The following LINGO2 variants were observed in gnomAD, a reference collection of about 807,000 sequenced individuals.
LINGO2 encodes leucine-rich repeat and immunoglobulin-like domain-containing nogo receptor-interacting protein 2.
Under a neutral mutation model 30.6 loss-of-function variants are expected in LINGO2, and 14 were observed. That is an observed-to-expected ratio of 0.46 (90% CI 0.30 to 0.72). The LOEUF (loss-of-function observed/expected upper bound fraction) is 0.72, where lower values mean the gene tolerates loss of function less well. Ranked by LOEUF, LINGO2 falls within the 30% of genes least tolerant of loss-of-function variation. LINGO2 has a pLI of 0.07. For synonymous variants in LINGO2, 317 were observed against 288.5 expected (o/e 1.10, Z -1.00); for missense variants, 729 against 751.7 (o/e 0.97, Z 0.35).
intron 1 of LINGO2, among the ~76,000 whole-genome samples, chr9:28,509,202 T>C (rs1224700987): frequency 6.6e-6 from 1 of 152,204 alleles, no homozygotes; most frequent in Non-Finnish European, 1.5e-5. Context: ...ACAAAGCAAT[T>C]CTAAAAACTG....
the LINGO2 span, among the ~76,000 whole-genome samples, chr9:28,946,084 C>A: frequency 6.6e-6 from 1 of 151,992 alleles, no homozygotes; most frequent in South Asian, 2.1e-4. Context: ...TATGAAAGAT[C>A]ACCAGTAATG....
intron 1 of LINGO2, among the ~76,000 whole-genome samples, chr9:28,646,410 A>G (rs1293060992): frequency 1.3e-5 from 2 of 152,102 alleles, no homozygotes; most frequent in Non-Finnish European, 2.9e-5. Context: ...GTGAGTCTGG[A>G]ACCTCAAATA....
At chr9:27,986,684 T>G (rs1450039820) in intron 5 of LINGO2, among the ~76,000 whole-genome samples, 1 of 151,874 alleles carries the variant, frequency 6.6e-6, no homozygotes, top group African/African-American at 2.4e-5. Flanking sequence ...TCAGGGAAAG[T>G]GCTCGTCCCT....
At chr9:29,143,444 C>A in the LINGO2 span, among the ~76,000 whole-genome samples, 1 of 152,000 alleles carries the variant, frequency 6.6e-6, no homozygotes, top group Non-Finnish European at 1.5e-5. Context: ...AAACAGTATG[C>A]ACTTGTGAAA....
intron 2 of LINGO2, among the ~76,000 whole-genome samples, chr9:28,385,388 G>A (rs1227121771): frequency 1.3e-5 from 2 of 152,058 alleles, no homozygotes; most frequent in Admixed American, 1.3e-4. Flanking sequence ...TTCACATACA[G>A]GTTGATTTTA....
chr9:28,121,945 A>C (rs1024232407), intron 4 of LINGO2, among the ~76,000 whole-genome samples: 1 of 152,222 alleles, frequency 6.6e-6, no homozygotes, highest in African/African-American at 2.4e-5. Context: ...TAGGAATTGA[A>C]AATTTCATAA....
At chr9:28,458,007 G>A (rs1160994552) in intron 2 of LINGO2, among the ~76,000 whole-genome samples, 1 of 152,144 alleles carries the variant, frequency 6.6e-6, no homozygotes, top group African/African-American at 2.4e-5. Context: ...AATTACAAAG[G>A]AGACTATAAT....
the LINGO2 span, among the ~76,000 whole-genome samples, chr9:28,895,729 G>A: frequency 6.6e-6 from 1 of 151,984 alleles, no homozygotes; most frequent in African/African-American, 2.4e-5. Context: ...AGTGTTACGG[G>A]GATGTCACAG....
intron 4 of LINGO2, among the ~76,000 whole-genome samples, chr9:28,153,573 A>T (rs952261774): frequency 2.6e-5 from 4 of 152,184 alleles, no homozygotes; most frequent in African/African-American, 9.6e-5. Context: ...ATATTTATAA[A>T]AAGTCTGTCT....
chr9:28,815,777 A>G, the LINGO2 span, among the ~76,000 whole-genome samples: 1 of 152,218 alleles, frequency 6.6e-6, no homozygotes, highest in South Asian at 2.1e-4. Context: ...CTAAGTGATT[A>G]ATCGCATGTT....
At chr9:29,176,208 C>T in the LINGO2 span, among the ~76,000 whole-genome samples, 1 of 151,444 alleles carries the variant, frequency 6.6e-6, no homozygotes, top group African/African-American at 2.5e-5. Context: ...TCTGAGAAGA[C>T]AGACAACTAA....
the LINGO2 span, among the ~76,000 whole-genome samples, chr9:28,969,914 T>C: frequency 6.6e-6 from 1 of 152,234 alleles, no homozygotes; most frequent in African/African-American, 2.4e-5. Flanking sequence ...GAGTTTAGGA[T>C]GTCTATTAGA....
chr9:28,107,281 C>G lies in LINGO2; in HGVS notation c.-86-94876G>C, dbSNP rs574036366. Among the ~76,000 whole-genome samples, 15 of 152,270 alleles carry G rather than the reference C, an allele frequency of 9.9e-5. No homozygotes were observed. The South Asian group carries it at 3.1e-3, about 32-fold the overall frequency. Reference sequence around the variant, plus strand: ...ATTTGTTTTGGTCAATATTATATTCCTAGCACCTTTTACAATGCTTAGTGT... The same window carrying G: ...ATTTGTTTTGGTCAATATTATATTCGTAGCACCTTTTACAATGCTTAGTGT... On this transcript the variant is annotated intron_variant, in intron 4 of 5. Transcript: ENST00000379992.
intron 4 of LINGO2, among the ~76,000 whole-genome samples, chr9:28,023,728 C>A (rs1474136289): frequency 6.6e-6 from 1 of 152,148 alleles, no homozygotes. Context: ...AATGGTAACT[C>A]TTCTTCTTCT....
At chr9:28,797,359 T>TATATATAGAGAGAGAG in the LINGO2 span, among the ~76,000 whole-genome samples, 32 of 34,200 alleles carry the variant, frequency 9.4e-4, no homozygotes, top group Non-Finnish European at 1.1e-3. Context: ...TATATATATA[T>TATATATAGAGAGAGAG]AGAGAGAGAG....
chr9:28,771,107 G>C, the LINGO2 span, among the ~76,000 whole-genome samples: 1 of 151,814 alleles, frequency 6.6e-6, no homozygotes, highest in East Asian at 1.9e-4. Context: ...CACTGTTTGA[G>C]ATTTACTCCC....
intron 2 of LINGO2, among the ~76,000 whole-genome samples, chr9:28,457,544 G>T (rs745985497): frequency 1.3e-5 from 2 of 151,676 alleles, no homozygotes; most frequent in Non-Finnish European, 2.9e-5. Context: ...ACTCACTAGT[G>T]GCTGGGACTA....
In LINGO2 at chr9:28,052,727, G is replaced by A. The variant is rs539305180; in HGVS notation, c.-86-40322C>T. On this transcript the variant is annotated intron_variant, in intron 4 of 5. Coordinates refer to ENST00000379992, the Ensembl canonical transcript of LINGO2. ...AAACTACAAATTGGAGCCCAAGAAA[G>A]TAAAAGAATTTTCTTAAGGAATCAG... is the stretch of plus-strand genomic sequence containing the variant. Among the ~76,000 whole-genome samples, 4 of 152,196 alleles carry A rather than the reference G, an allele frequency of 2.6e-5. No homozygotes were observed. In the South Asian group the frequency reaches 6.2e-4, roughly 24 times the overall value.
intron 4 of LINGO2, among the ~76,000 whole-genome samples, chr9:28,057,925 A>T (rs1001649574): frequency 6.6e-6 from 1 of 152,060 alleles, no homozygotes; most frequent in Non-Finnish European, 1.5e-5. Flanking sequence ...TCATTATATC[A>T]TAGCAGATAC....
Sources: gnomAD v4.1 joint callset for allele counts (sites outside exome capture counted in the v4.1 genomes callset) on GRCh38, gnomAD v4.1.1 for gene constraint, MANE v1.5 for transcripts, NCBI Gene and HGNC (gene_info 2026-07-23, HGNC 2026-07-21) for gene names.